Variants in MYO9A observed in about 807,000 individuals in gnomAD.
MYO9A encodes unconventional myosin-IXa.
MYO9A carries 103 observed loss-of-function variants against 293.3 expected under a neutral mutation model. That is an observed-to-expected ratio of 0.35 (90% CI 0.30 to 0.41). The LOEUF (loss-of-function observed/expected upper bound fraction) is 0.41. MYO9A is among the 10% of genes least tolerant of loss of function. The pLI, the probability that MYO9A is intolerant of heterozygous loss-of-function variation, is 1.00. For missense variants in MYO9A, 2,685 were observed against 3,033.0 expected, an observed-to-expected ratio of 0.89 and a Z score of 2.69; for synonymous variants, 1,001 against 1,035.7, an observed-to-expected ratio of 0.97 and a Z score of 0.64.
chr15:72,046,648 G>A lies in MYO9A; in HGVS notation c.-71-14C>T. Reference sequence around the variant, plus strand: ...TTGGTAAAATAACTGTAACATAAAAGATGCAAAATATTTAGAAGTAAATAC... The same window carrying A: ...TTGGTAAAATAACTGTAACATAAAAAATGCAAAATATTTAGAAGTAAATAC... On this transcript the variant is annotated splice_polypyrimidine_tract_variant and intron_variant, in intron 1 of 41. Coordinates refer to ENST00000356056, the MANE Select transcript of MYO9A (RefSeq NM_006901.4). 1 of 1,440,420 alleles carries A rather than the reference G, an allele frequency of 6.9e-7. No individual in the cohort carries two copies. The highest frequency in any genetic ancestry group is 9.2e-7 in the Non-Finnish European group (1 of 1,089,050). 89.2% of individuals were successfully genotyped at this position (1,440,420 alleles called of 1,614,324 possible).
rs1228438022 is a variant in MYO9A, at chr15:71,826,106, GT to G, written c.*473del. On this transcript the variant is annotated 3_prime_UTR_variant, in exon 42 of 42. Coordinates refer to ENST00000356056, the MANE Select transcript of MYO9A (RefSeq NM_006901.4). ...GATTAGGCTTTTTGTTTGTAAGTAA[GT>G]TTTTGGAAAAAAATTATATTCTACC... 1 of 146,192 alleles carries G rather than the reference GT, an allele frequency of 6.8e-6. No homozygotes were observed. The highest frequency in any genetic ancestry group is 2.2e-4 in the South Asian group (1 of 4,516). The allele number at this position is 146,192 out of a possible 1,614,324, so 9.1% of individuals were successfully genotyped here.
At chr15:71,937,217 G>A (rs2058666085) in intron 16 of MYO9A, among the ~76,000 whole-genome samples, 1 of 152,154 alleles carries the variant, frequency 6.6e-6, no homozygotes, top group Non-Finnish European at 1.5e-5. Flanking sequence ...TGATAAAGCA[G>A]TGGCAGGGTT....
intron 8 of MYO9A, among the ~76,000 whole-genome samples, chr15:72,006,112 C>G (rs183600996): frequency 4.8e-4 from 73 of 152,156 alleles, no homozygotes; most frequent in African/African-American, 1.8e-3. Context: ...GGGTCTCGCT[C>G]TGTTACCCAG....
intron 32 of MYO9A, among the ~76,000 whole-genome samples, chr15:71,873,226 G>A (rs934394116): frequency 6.6e-6 from 1 of 152,012 alleles, no homozygotes; most frequent in Admixed American, 6.6e-5. Flanking sequence ...GCCAGCCCTT[G>A]TACTTTTTAC....
chr15:71,851,166 CA>C (rs1390779282), intron 37 of MYO9A, 86 bp downstream of exon 37: 35 of 1,002,140 alleles, frequency 3.5e-5, no homozygotes, highest in Middle Eastern at 6.3e-4. Flanking sequence ...AAATACCTGT[CA>C]GTCTTCCAAA....
intron 2 of MYO9A, among the ~76,000 whole-genome samples, chr15:72,039,561 T>C (rs2078163072): frequency 6.6e-6 from 1 of 152,150 alleles, no homozygotes. Flanking sequence ...CCAGGCACAG[T>C]GGCTCATGCC....
At chr15:71,868,003 G>A (rs551195339) in intron 32 of MYO9A, among the ~76,000 whole-genome samples, 1 of 152,280 alleles carries the variant, frequency 6.6e-6, no homozygotes, top group East Asian at 1.9e-4. Context: ...AAATTCAGTG[G>A]CTTAAAACAA....
chr15:71,894,455 T>C lies in MYO9A; in HGVS notation c.5043-677A>G, dbSNP rs557681755. On this transcript the variant is annotated intron_variant, in intron 25 of 41. Transcript: ENST00000356056. ...AGCTGGGTGTGGTGGCAGGTGGCTG[T>C]AGTCCCAGGTACTTGGAAGGCTGAG... is the stretch of plus-strand genomic sequence containing the variant. 7.2e-4 allele frequency among the ~76,000 whole-genome samples: 109 copies of C among 152,264 alleles called. 1 individual carries two copies. Among genetic ancestry groups the C allele is most frequent in the South Asian group, 2.9e-3 (14 of 4,824 alleles).
At chr15:72,058,555 A>G (rs1456931571) in intron 1 of MYO9A, among the ~76,000 whole-genome samples, 2 of 152,212 alleles carry the variant, frequency 1.3e-5, no homozygotes, top group Non-Finnish European at 2.9e-5. Flanking sequence ...CCATAAGAAT[A>G]AAACAATACA....
intron 24 of MYO9A, 120 bp downstream of exon 24, chr15:71,899,567 T>C (rs1317558893): frequency 1.2e-6 from 1 of 859,352 alleles, no homozygotes; most frequent in Non-Finnish European, 1.8e-6. Context: ...CACAGTATAG[T>C]GGAAAAGACA....
chr15:71,882,417 G>A (rs1164915468), intron 28 of MYO9A, among the ~76,000 whole-genome samples: 1 of 152,168 alleles, frequency 6.6e-6, no homozygotes, highest in Non-Finnish European at 1.5e-5. Flanking sequence ...TTTTCTGAAC[G>A]ATGAACTAAC....
chr15:72,076,304 CAAA>C (rs34369419), intron 1 of MYO9A, among the ~76,000 whole-genome samples: 2 of 81,620 alleles, frequency 2.5e-5, no homozygotes, highest in Non-Finnish European at 4.9e-5. Flanking sequence ...GACTCTGTCT[CAAA>C]AAAAAAAAAA....
Position 71,951,871 on chromosome 15 carries a change from T to C in MYO9A, c.2208A>G (p.Ala736=), listed in dbSNP as rs763443912. The C allele has an allele frequency of 6.2e-7, 1 of 1,610,728 alleles. No homozygotes were observed. Among genetic ancestry groups the C allele is most frequent in the Non-Finnish European group, 8.5e-7 (1 of 1,179,060 alleles). Residue 736 remains alanine (A), a synonymous_variant, in exon 15 of 42, where the codon GCA becomes GCG. Coordinates refer to ENST00000356056, the MANE Select transcript of MYO9A (RefSeq NM_006901.4). ...KTGHDDTAPC[A]ILKSMDSFSF... ...TAAAACTATCCATACTTTTCAAAAT[T>C]GCACATGGCGCTGTATCATCATGTC...
At chr15:71,854,635 C>A in intron 34 of MYO9A, 66 bp from the exon 35 acceptor site, 1 of 1,284,344 alleles carries the variant, frequency 7.8e-7, no homozygotes, top group Non-Finnish European at 1.0e-6. Context: ...TTAACCATTT[C>A]TTTACCAGGA....
At chr15:72,079,271 A>G (rs931092075) in intron 1 of MYO9A, among the ~76,000 whole-genome samples, 17 of 152,322 alleles carry the variant, frequency 1.1e-4, no homozygotes, top group African/African-American at 4.1e-4. Context: ...CTGTAAACCT[A>G]AAACTGCTTT....
chr15:72,020,920 G>T lies in MYO9A; in HGVS notation c.1096C>A (p.Gln366Lys). ...KQPEEYHYLNQITKKPLRQSW... is the reference protein window; with the variant it reads ...KQPEEYHYLNKITKKPLRQSW... ...AAATGCTTTTTATGAACTCTCACCT[G>T]ATTGAGATAATGATATTCCTCTGGT... is the stretch of plus-strand genomic sequence containing the variant. The change falls in exon 5 of 42, where the codon CAG (glutamine) becomes AAG (lysine). Residue 366 changes from glutamine (Q) to lysine (K), a missense_variant and splice_region_variant. Gln to Lys is a moderately conservative substitution (Grantham distance 53, BLOSUM62 1). This residue lies in a region of MYO9A where 289 missense variants were observed against 456.8 expected (regional missense o/e 0.63). Coordinates refer to ENST00000356056, the MANE Select transcript of MYO9A (RefSeq NM_006901.4). 6.6e-7 allele frequency: 1 copy of T among 1,514,440 alleles called. No individual in the cohort carries two copies. Among genetic ancestry groups the T allele is most frequent in the Non-Finnish European group, 8.8e-7 (1 of 1,134,710 alleles). 93.8% of individuals were successfully genotyped at this position (1,514,440 alleles called of 1,614,324 possible).
At chr15:71,987,838 T>TA (rs1481830795) in intron 11 of MYO9A, among the ~76,000 whole-genome samples, 1 of 152,162 alleles carries the variant, frequency 6.6e-6, no homozygotes, top group Non-Finnish European at 1.5e-5. Flanking sequence ...TCATACCAGT[T>TA]ACCAATGAGG....
chr15:72,000,952 A>T (rs767734181), intron 8 of MYO9A, among the ~76,000 whole-genome samples: 1 of 152,234 alleles, frequency 6.6e-6, no homozygotes, highest in Non-Finnish European at 1.5e-5. Flanking sequence ...ATTGTTGCAC[A>T]TGAGTTCAAA....
chr15:71,930,425 T>A (rs926689171), intron 18 of MYO9A, among the ~76,000 whole-genome samples: 2 of 152,330 alleles, frequency 1.3e-5, no homozygotes, highest in Middle Eastern at 3.4e-3. Context: ...ATCCTTTTGA[T>A]GACCATACCC....
Sources: allele counts gnomAD v4.1 joint callset (sites outside exome capture counted in the v4.1 genomes callset), GRCh38; gene constraint gnomAD v4.1.1; regional missense constraint gnomAD v4.1.1; transcripts MANE v1.5; gene names NCBI Gene and HGNC (gene_info 2026-07-23, HGNC 2026-07-21).